The following BBOF1 variants were observed in gnomAD, a reference collection of about 807,000 sequenced individuals.
BBOF1 encodes basal body-orientation factor 1.
BBOF1 carries 62 observed loss-of-function variants against 68.0 expected under a neutral mutation model. The ratio of observed to expected loss-of-function variants is 0.91; its 90% CI spans 0.74 to 1.13. The LOEUF (loss-of-function observed/expected upper bound fraction) is 1.13, where lower values mean the gene tolerates loss of function less well. Ranked by LOEUF, BBOF1 falls within the 50% of genes most tolerant of loss-of-function variation. The pLI is 0.00. For missense variants in BBOF1, 534 were observed against 600.1 expected (o/e 0.89, Z 1.15); for synonymous variants, 208 against 198.8 (o/e 1.05, Z -0.39).
chr14:74,042,869 CACACACACAG>C lies in BBOF1; in HGVS notation c.576+2234_576+2243del, dbSNP rs1440106504. The stretch of plus-strand genomic sequence containing the variant: ...TTTCTCTCTCTCTCTCTTATACACA[CACACACACAG>C]ACACACACACACACACACACACACA... On this transcript the variant is annotated intron_variant, in intron 5 of 11. Coordinates refer to ENST00000394009, the MANE Select transcript of BBOF1 (RefSeq NM_025057.3). Among the ~76,000 whole-genome samples the C allele has an allele frequency of 1.8e-3, 218 of 119,906 alleles. 1 individual carries two copies. Among genetic ancestry groups the C allele is most frequent in the African/African-American group, 7.8e-3 (209 of 26,950 alleles). The allele number at this position is 119,906 out of a possible 152,430, so 78.7% of individuals were successfully genotyped here. A position where few individuals can be genotyped will look rare whatever the true frequency, so the allele number is the denominator to read the frequency against.
rs1246700261 is a variant in BBOF1, at chr14:74,019,412, G to A, written c.-67G>A. The A allele has an allele frequency of 6.4e-7, 1 of 1,552,300 alleles. No individual in the cohort carries two copies. Among genetic ancestry groups the A allele is most frequent in the Non-Finnish European group, 8.7e-7 (1 of 1,148,708 alleles). On this transcript the variant is annotated 5_prime_UTR_variant, in exon 1 of 12. Transcript: ENST00000394009. ...CCAGCTCGGCGTCCCGGTTCCCTTG[G>A]AGACAGAGCTGGCCAGGGCGGCCGC...
downstream of BBOF1, chr14:74,069,379 G>A (rs1427938263): frequency 5.5e-5 from 16 of 289,432 alleles, no homozygotes; most frequent in South Asian, 5.0e-4. Flanking sequence ...TGGGATTACA[G>A]GTGTGAGCCA....
intron 11 of BBOF1, chr14:74,059,878 T>G (rs1426473123): frequency 6.5e-6 from 1 of 153,668 alleles, no homozygotes; most frequent in Non-Finnish European, 1.4e-5. Context: ...ATGATAGAAT[T>G]AATAGTGGTC....
Position 74,046,072 on chromosome 14 carries a change from C to G in BBOF1, c.589C>G (p.Gln197Glu), listed in dbSNP as rs2059941331. The G allele has an allele frequency of 1.2e-6, 2 of 1,607,930 alleles. No homozygotes were observed. The highest frequency in any genetic ancestry group is 2.2e-5 in the South Asian group (2 of 89,678). The change falls in exon 6 of 12, where the codon CAA becomes GAA. Residue 197 changes from glutamine (Q) to glutamate (E), a missense_variant. Transcript: ENST00000394009. ...RFFEEKHRLE[Q>E]EAEKKIIMLA... The stretch of plus-strand genomic sequence containing the variant: ...TTTTCTTTTTTAGCACCGACTAGAA[C>G]AAGAGGCTGAAAAGAAGATAATAAT...
intron 11 of BBOF1, among the ~76,000 whole-genome samples, chr14:74,062,174 G>C (rs1279506192): frequency 6.6e-6 from 1 of 151,762 alleles, no homozygotes; most frequent in Admixed American, 6.6e-5. Flanking sequence ...TCCAGCCTGG[G>C]CAACAGAGCA....
chr14:74,080,504 A>G (rs1308733590), intron 10 of BBOF1, among the ~76,000 whole-genome samples: 1 of 151,606 alleles, frequency 6.6e-6, no homozygotes. Context: ...AGTACCTGGG[A>G]CCACAGGTGC....
Position 74,040,115 on chromosome 14 carries a change from C to T in BBOF1, c.496-450C>T, listed in dbSNP as rs549302396. ...TGATCCTCCCACCTCAGCCTTAGTTCTGGAGTAGCTGGAACTACAGGTGTG... is the reference window on the plus strand; with the variant it reads ...TGATCCTCCCACCTCAGCCTTAGTTTTGGAGTAGCTGGAACTACAGGTGTG... On this transcript the variant is annotated intron_variant, in intron 4 of 11. Transcript: ENST00000394009. Among the ~76,000 whole-genome samples, 12 of 152,140 alleles carry T rather than the reference C, an allele frequency of 7.9e-5. No individual in the cohort carries two copies. In the South Asian group the frequency reaches 2.5e-3, roughly 32 times the overall value.
intron 9 of BBOF1, among the ~76,000 whole-genome samples, chr14:74,077,902 G>A (rs1266110115): frequency 6.6e-6 from 1 of 152,254 alleles, no homozygotes; most frequent in Non-Finnish European, 1.5e-5. Context: ...TCCAGTTATA[G>A]AAAAGTAGTT....
chr14:74,077,285 T>G (rs1051919351), intron 9 of BBOF1, among the ~76,000 whole-genome samples: 1 of 152,226 alleles, frequency 6.6e-6, no homozygotes, highest in African/African-American at 2.4e-5. Context: ...GGCCCTTTTT[T>G]GTCCTCTGAA....
chr14:74,071,556 T>C (rs1252113272), intron 9 of BBOF1: 1 of 1,611,784 alleles, frequency 6.2e-7, no homozygotes, highest in African/African-American at 1.3e-5. Flanking sequence ...AGCTTTGTCC[T>C]GTTCTCTTCA....
At chr14:74,026,617 C>T (rs2059434154) in intron 2 of BBOF1, among the ~76,000 whole-genome samples, 1 of 151,878 alleles carries the variant, frequency 6.6e-6, no homozygotes, top group Admixed American at 6.6e-5. Flanking sequence ...TGCTTTTGCA[C>T]CAACCTAATA....
chr14:74,060,051 T>C (rs2060305563), intron 11 of BBOF1: 1 of 156,236 alleles, frequency 6.4e-6, no homozygotes, highest in Non-Finnish European at 1.4e-5. Context: ...TAGGTAGCGC[T>C]ATGTTTGAGG....
At chr14:74,057,533 C>G in intron 11 of BBOF1, 1 of 1,348,166 alleles carries the variant, frequency 7.4e-7, no homozygotes, top group Admixed American at 2.9e-5. Flanking sequence ...TGTGTACTAT[C>G]TTTTACGTAA....
In BBOF1 at chr14:74,019,361, C is replaced by G. The variant is rs1470219358; in HGVS notation, c.-118C>G. On this transcript the variant is annotated 5_prime_UTR_variant, in exon 1 of 12. Transcript: ENST00000394009. ...CACGGGCGCGTGCGCTCTCCGCGCG[C>G]CGTCAGCGGCGCGGGTGGGGCATTG... 7.5e-7 allele frequency: 1 copy of G among 1,333,474 alleles called. No homozygotes were observed. The allele number at this position is 1,333,474 out of a possible 1,614,324, so 82.6% of individuals were successfully genotyped here. A position where few individuals can be genotyped will look rare whatever the true frequency, so the allele number is the denominator to read the frequency against.
In BBOF1 at chr14:74,076,689, A is replaced by G. The variant is rs539096573; in HGVS notation, n.1380-1507A>G. On this transcript the variant is annotated intron_variant and non_coding_transcript_variant, in intron 9 of 12. Transcript: ENST00000492026. ...GTAGCTGAGATTACAGACACCCGCC[A>G]CCATGCCTGGCTAATTTTATTTTAT... Among the ~76,000 whole-genome samples, 28 of 152,074 alleles carry G rather than the reference A, an allele frequency of 1.8e-4. No individual in the cohort carries two copies. The South Asian group carries it at 5.6e-3, about 30-fold the overall frequency.
In BBOF1 at chr14:74,050,036, T is replaced by C; in HGVS notation, c.1127T>C (p.Ile376Thr). The C allele has an allele frequency of 1.2e-6, 2 of 1,614,142 alleles. No homozygotes were observed. Among genetic ancestry groups the C allele is most frequent in the South Asian group, 2.2e-5 (2 of 91,084 alleles). ...ALHQVKQQILISRKHYKQIAQ... is the reference protein window; with the variant it reads ...ALHQVKQQILTSRKHYKQIAQ... ...CACCAAGTGAAGCAACAGATCCTAA[T>C]TAGCAGGAAGCATTATAAGCAGATA... The change falls in exon 8 of 12, where the codon ATT becomes ACT. Residue 376 changes from isoleucine (I) to threonine (T), a missense_variant. Ile to Thr is a moderately conservative substitution (Grantham distance 89). Coordinates refer to ENST00000394009, the MANE Select transcript of BBOF1 (RefSeq NM_025057.3).
rs1280478800 is a variant in BBOF1 at position 74,059,908 on chromosome 14, A to G, written c.1578+2650A>G. On this transcript the variant is annotated intron_variant, in intron 11 of 11. Coordinates refer to ENST00000394009, the MANE Select transcript of BBOF1 (RefSeq NM_025057.3). ...GTGGTCATGAATTACTAGGAAACAA[A>G]GTGGCATTGAGCAGAAAAGAAAGAA... 2.6e-5 allele frequency: 4 copies of G among 153,448 alleles called. No homozygotes were observed. The East Asian group carries it at 7.7e-4, about 29-fold the overall frequency. 9.5% of individuals were successfully genotyped at this position (153,448 alleles called of 1,614,324 possible). A position where few individuals can be genotyped will look rare whatever the true frequency, so the allele number is the denominator to read the frequency against.
chr14:74,081,868 C>T (rs145497746), intron 12 of BBOF1, among the ~76,000 whole-genome samples: 23 of 152,276 alleles, frequency 1.5e-4, no homozygotes, highest in African/African-American at 5.1e-4. Context: ...GTTACTAGTT[C>T]GGTAACCATA....
chr14:74,060,411 A>G (rs1311461656), intron 11 of BBOF1: 4 of 528,458 alleles, frequency 7.6e-6, no homozygotes, highest in Non-Finnish European at 1.4e-5. Context: ...TTTCATAGTT[A>G]CAACAGTTAC....
Sources: allele counts gnomAD v4.1 joint callset (sites outside exome capture counted in the v4.1 genomes callset), GRCh38; gene constraint gnomAD v4.1.1; transcripts MANE v1.5; gene names NCBI Gene and HGNC (gene_info 2026-07-23, HGNC 2026-07-21).